The following MCF2L2 variants were observed in gnomAD, a reference collection of about 807,000 sequenced individuals.
MCF2L2 encodes probable guanine nucleotide exchange factor MCF2L2.
MCF2L2 carries 102 observed loss-of-function variants against 150.2 expected under a neutral mutation model. That is an observed-to-expected ratio of 0.68 (90% confidence interval 0.58 to 0.80). The LOEUF (loss-of-function observed/expected upper bound fraction) is 0.80, where lower values mean the gene tolerates loss of function less well. MCF2L2 is among the 30% of genes least tolerant of loss of function. The pLI, the probability that MCF2L2 is intolerant of heterozygous loss-of-function variation, is 0.00. For synonymous variants in MCF2L2, 465 were observed against 491.3 expected, an observed-to-expected ratio of 0.95 and a Z score of 0.71; for missense variants, 1,256 against 1,372.8, an observed-to-expected ratio of 0.91 and a Z score of 1.34.
chr3:183,266,968 A>G (rs956990999), intron 15 of MCF2L2, among the ~76,000 whole-genome samples: 2 of 151,774 alleles, frequency 1.3e-5, no homozygotes, highest in East Asian at 1.9e-4. Context: ...TGAATTTTTT[A>G]TAGAGATGGG....
At chr3:183,349,435 T>G (rs1347914452) in intron 3 of MCF2L2, among the ~76,000 whole-genome samples, 1 of 152,242 alleles carries the variant, frequency 6.6e-6, no homozygotes, top group Admixed American at 6.5e-5. Flanking sequence ...TTGTGATTTT[T>G]TTCTTTGATT....
chr3:183,212,625 T>C (rs77226869), intron 22 of MCF2L2, among the ~76,000 whole-genome samples: 3,021 of 152,214 alleles, frequency 0.02, 103 homozygotes, highest in African/African-American at 0.07. Context: ...AGAGCTTCTT[T>C]TGGGTGCCCG....
intron 1 of MCF2L2, among the ~76,000 whole-genome samples, chr3:183,427,423 C>G (rs975237121): frequency 5.9e-5 from 9 of 152,164 alleles, no homozygotes; most frequent in African/African-American, 2.2e-4. Context: ...GCCTAGCGGC[C>G]GAGCTGCGCA....
Position 183,179,941 on chromosome 3 carries a change from C to T in MCF2L2, c.3105+130G>A. ...GGGTCTGGTGACCTCGGCTCCCTGG[C>T]TTAACCAGGTCCTTATGGGTGAGAA... On this transcript the variant is annotated intron_variant, in intron 28 of 29. Transcript: ENST00000328913. The surrounding 1 kb of genome is among the most constrained non-coding windows in gnomAD (Gnocchi z 4.2). The T allele has an allele frequency of 1.2e-6, 1 of 840,228 alleles. No homozygotes were observed. The allele number at this position is 840,228 out of a possible 1,614,324, so 52.0% of individuals were successfully genotyped here. A position where few individuals can be genotyped will look rare whatever the true frequency, so the allele number is the denominator to read the frequency against.
At chr3:183,282,070 G>A (rs1480893075) in intron 14 of MCF2L2, among the ~76,000 whole-genome samples, 3 of 151,422 alleles carry the variant, frequency 2.0e-5, no homozygotes, top group African/African-American at 4.8e-5. Context: ...CCCAGCCTCA[G>A]GGTCTTTTTA....
chr3:183,381,057 G>A (rs1197501285), intron 2 of MCF2L2, among the ~76,000 whole-genome samples: 1 of 152,178 alleles, frequency 6.6e-6, no homozygotes, highest in African/African-American at 2.4e-5. Flanking sequence ...AAGGCGCAGA[G>A]AATTGAGAGG....
At chr3:183,250,874 A>G (rs1449338843) in intron 15 of MCF2L2, among the ~76,000 whole-genome samples, 2 of 152,204 alleles carry the variant, frequency 1.3e-5, no homozygotes, top group African/African-American at 4.8e-5. Context: ...AGGTGAGAGG[A>G]GCTTTCTGCA....
At chr3:183,326,951 G>A (rs549251368) in intron 5 of MCF2L2, among the ~76,000 whole-genome samples, 54 of 152,162 alleles carry the variant, frequency 3.5e-4, no homozygotes, top group Non-Finnish European at 6.9e-4. Context: ...TGAAACAACC[G>A]GACATTCATA....
intron 3 of MCF2L2, among the ~76,000 whole-genome samples, chr3:183,362,484 A>C (rs555853412): frequency 4.3e-4 from 66 of 152,278 alleles, no homozygotes; most frequent in African/African-American, 1.6e-3. Context: ...TAGAGAAGGA[A>C]TCAAAGAGGC....
intron 1 of MCF2L2, among the ~76,000 whole-genome samples, chr3:183,403,966 C>T (rs1285993850): frequency 6.6e-6 from 1 of 152,158 alleles, no homozygotes; most frequent in South Asian, 2.1e-4. Flanking sequence ...TGGTTTGAGG[C>T]TCAGCTAAGC....
At chr3:183,200,383 T>C (rs906965756) in intron 25 of MCF2L2, among the ~76,000 whole-genome samples, 3 of 152,244 alleles carry the variant, frequency 2.0e-5, no homozygotes, top group Non-Finnish European at 4.4e-5. Context: ...CCAGTGATGA[T>C]GAGCATTTTT....
chr3:183,318,884 C>A (rs1303831491), intron 6 of MCF2L2, among the ~76,000 whole-genome samples: 2 of 152,222 alleles, frequency 1.3e-5, no homozygotes, highest in Non-Finnish European at 2.9e-5. Flanking sequence ...TTCATCAAAT[C>A]ACAATCTTTT....
At chr3:183,184,343 T>C (rs1721625047) in intron 27 of MCF2L2, among the ~76,000 whole-genome samples, 1 of 152,142 alleles carries the variant, frequency 6.6e-6, no homozygotes, top group African/African-American at 2.4e-5. Context: ...TAAGTGATAG[T>C]TGTATTCTTG....
rs73886269 is a variant in MCF2L2, at chr3:183,203,399, A to T, written c.2884+2477T>A. ...AAAATATAAAGATTTGTTTTAAAGG[A>T]CGAAACAGAAATTCTAGATTTCAAA... On this transcript the variant is annotated intron_variant, in intron 25 of 29. Coordinates refer to ENST00000328913, the MANE Select transcript of MCF2L2 (RefSeq NM_015078.4). 2.8e-3 allele frequency among the ~76,000 whole-genome samples: 420 copies of T among 152,324 alleles called. 2 individuals are homozygous for T. The highest frequency in any genetic ancestry group is 9.9e-3 in the African/African-American group (411 of 41,584).
intron 22 of MCF2L2, among the ~76,000 whole-genome samples, chr3:183,211,360 G>C (rs556370506): frequency 1.3e-5 from 2 of 152,148 alleles, no homozygotes; most frequent in Non-Finnish European, 2.9e-5. Context: ...GAAGTGACTC[G>C]GGGGGAGTCG....
At chr3:183,189,172 T>C (rs1721794404) in intron 27 of MCF2L2, among the ~76,000 whole-genome samples, 2 of 152,210 alleles carry the variant, frequency 1.3e-5, no homozygotes, top group Admixed American at 1.3e-4. Context: ...GGCCGAGCAC[T>C]GCTGGGTTCA....
chr3:183,344,871 G>C (rs1730839263), intron 3 of MCF2L2, among the ~76,000 whole-genome samples: 1 of 152,134 alleles, frequency 6.6e-6, no homozygotes, highest in Admixed American at 6.6e-5. Context: ...AACAAGAAAA[G>C]CTAAGTATCC....
At chr3:183,408,777 GA>G (rs1715174046) in intron 1 of MCF2L2, among the ~76,000 whole-genome samples, 3 of 152,160 alleles carry the variant, frequency 2.0e-5, no homozygotes, top group Admixed American at 2.0e-4. Flanking sequence ...TCAAATAACT[GA>G]ACAAAGAAAT....
chr3:183,333,055 T>C (rs1337908991), intron 5 of MCF2L2, among the ~76,000 whole-genome samples: 1 of 152,150 alleles, frequency 6.6e-6, no homozygotes, highest in Non-Finnish European at 1.5e-5. Context: ...TTTATTTTTA[T>C]TTATTTTTTG....
Sources: allele counts gnomAD v4.1 joint callset (sites outside exome capture counted in the v4.1 genomes callset), GRCh38; gene constraint gnomAD v4.1.1; non-coding constraint Gnocchi (gnomAD v3.1); transcripts MANE v1.5; gene names NCBI Gene and HGNC (gene_info 2026-07-23, HGNC 2026-07-21).